The following SPAG1 variants were observed in gnomAD, a reference collection of about 807,000 sequenced individuals.
SPAG1 encodes sperm associated antigen 1, also known as sperm-associated antigen 1.
Under a neutral mutation model 100.5 loss-of-function variants are expected in SPAG1, and 69 were observed. The ratio of observed to expected loss-of-function variants is 0.69; its 90% CI spans 0.57 to 0.84. The LOEUF (loss-of-function observed/expected upper bound fraction) is 0.84, where lower values mean the gene tolerates loss of function less well. SPAG1 is among the 40% of genes least tolerant of loss of function. The pLI is 0.00. For synonymous variants in SPAG1, 336 were observed against 411.6 expected (o/e 0.82, Z 2.22); for missense variants, 955 against 1,133.1 (o/e 0.84, Z 2.26).
At chr8:100,219,952 G>A (rs909963746) in intron 12 of SPAG1, among the ~76,000 whole-genome samples, 15 of 152,314 alleles carry the variant, frequency 9.8e-5, no homozygotes, top group African/African-American at 2.9e-4. Context: ...ATCTGTCAAC[G>A]ACAATCTGTT....
At chr8:100,234,348 G>A (rs1426022821) in intron 16 of SPAG1, among the ~76,000 whole-genome samples, 1 of 133,326 alleles carries the variant, frequency 7.5e-6, no homozygotes, top group Admixed American at 8.3e-5. Flanking sequence ...TCTTCTGAAG[G>A]TGGTGTGTGC....
At chr8:100,161,024 C>G (rs1328213331) in intron 1 of SPAG1, among the ~76,000 whole-genome samples, 2 of 152,002 alleles carry the variant, frequency 1.3e-5, no homozygotes, top group African/African-American at 4.8e-5. Flanking sequence ...GGAAAAAAAC[C>G]TCTACCTTCT....
At chr8:100,197,471 A>T (rs1563789630) in intron 10 of SPAG1, among the ~76,000 whole-genome samples, 1 of 152,232 alleles carries the variant, frequency 6.6e-6, no homozygotes, top group South Asian at 2.1e-4. Context: ...AGTTACATTC[A>T]AACAAGTTAC....
chr8:100,184,338 C>A (rs1816495375), intron 6 of SPAG1, among the ~76,000 whole-genome samples: 1 of 151,888 alleles, frequency 6.6e-6, no homozygotes, highest in African/African-American at 2.4e-5. Context: ...CCTCCAAATT[C>A]CTAAAATTGT....
In SPAG1 at chr8:100,239,551, G is replaced by A; in HGVS notation, c.2280+147G>A. ...ACAAAATTTTAACCAGCAACAAAAT[G>A]TCTCCTTTGCAATGATAATTAGCCA... On this transcript the variant is annotated intron_variant, in intron 17 of 18. Transcript: ENST00000388798. This position sits in a 1 kb window ranked among gnomAD's most constrained non-coding sequence, Gnocchi z 5.0. The A allele has an allele frequency of 1.6e-6, 1 of 629,144 alleles. No homozygotes were observed. The highest frequency in any genetic ancestry group is 2.8e-6 in the Non-Finnish European group (1 of 354,448). 39.0% of individuals were successfully genotyped at this position (629,144 alleles called of 1,614,324 possible).
chr8:100,199,099 T>C (rs1366722778), intron 10 of SPAG1, among the ~76,000 whole-genome samples: 1 of 152,258 alleles, frequency 6.6e-6, no homozygotes, highest in Non-Finnish European at 1.5e-5. Flanking sequence ...CAGATTTTTG[T>C]TTGAACAGAT....
chr8:100,233,987 G>T (rs1252073545), intron 16 of SPAG1, among the ~76,000 whole-genome samples: 1 of 152,176 alleles, frequency 6.6e-6, no homozygotes, highest in African/African-American at 2.4e-5. Context: ...ATAGTGATCT[G>T]GGCCTTAAGC....
chr8:100,232,916 C>T (rs1215848168), intron 15 of SPAG1, among the ~76,000 whole-genome samples: 1 of 152,222 alleles, frequency 6.6e-6, no homozygotes, highest in Non-Finnish European at 1.5e-5. Context: ...ACCATATTCT[C>T]TTCCACTGTA....
chr8:100,199,985 A>G (rs2132307288), intron 10 of SPAG1, among the ~76,000 whole-genome samples: 1 of 151,144 alleles, frequency 6.6e-6, no homozygotes, highest in East Asian at 1.9e-4. Flanking sequence ...TCTAGGGTAT[A>G]TGTGCACAAC....
intron 10 of SPAG1, among the ~76,000 whole-genome samples, chr8:100,198,533 T>A (rs1430136155): frequency 1.3e-5 from 2 of 152,138 alleles, no homozygotes; most frequent in Non-Finnish European, 2.9e-5. Context: ...CTCATAAAAA[T>A]GAAAATCAAA....
rs116206455 is a variant in SPAG1 at position 100,214,408 on chromosome 8, C to T, written c.1535+490C>T. Among the ~76,000 whole-genome samples, 7 of 152,236 alleles carry T rather than the reference C, an allele frequency of 4.6e-5. No individual in the cohort carries two copies. The South Asian group carries it at 6.2e-4, about 14-fold the overall frequency. On this transcript the variant is annotated intron_variant, in intron 12 of 18. Coordinates refer to ENST00000388798, the MANE Select transcript of SPAG1 (RefSeq NM_003114.5). ...TCTCTGAGCCCTTGCCCATGTTGCC[C>T]CTAATGGTGGTAATGCCCTTTGCAC...
chr8:100,215,516 C>A (rs1356839563), intron 12 of SPAG1, among the ~76,000 whole-genome samples: 2 of 152,136 alleles, frequency 1.3e-5, no homozygotes, highest in East Asian at 3.9e-4. Flanking sequence ...TTTTCATTGG[C>A]TGTATCAGTT....
Position 100,177,957 on chromosome 8 carries a change from A to C in SPAG1, c.426+16A>C. Reference sequence around the variant, plus strand: ...TGTAGGCAAGGTAGGCTTCTTTGATATCTTTGTGGGTGGTAGCAGGAGAGG... The same window carrying C: ...TGTAGGCAAGGTAGGCTTCTTTGATCTCTTTGTGGGTGGTAGCAGGAGAGG... On this transcript the variant is annotated intron_variant, in intron 4 of 18. Coordinates refer to ENST00000388798, the MANE Select transcript of SPAG1 (RefSeq NM_003114.5). The C allele has an allele frequency of 6.2e-7, 1 of 1,606,044 alleles. No individual in the cohort carries two copies. The highest frequency in any genetic ancestry group is 2.2e-5 in the East Asian group (1 of 44,812).
intron 8 of SPAG1, 141 bp downstream of exon 8, chr8:100,187,391 T>G: frequency 1.7e-6 from 1 of 579,856 alleles, no homozygotes; most frequent in Non-Finnish European, 2.6e-6. Flanking sequence ...TTCATAAAGT[T>G]GCTTTTAAAT....
At chr8:100,216,182 A>G (rs1196018098) in intron 12 of SPAG1, among the ~76,000 whole-genome samples, 1 of 152,146 alleles carries the variant, frequency 6.6e-6, no homozygotes, top group Non-Finnish European at 1.5e-5. Flanking sequence ...CAGTGCTCCT[A>G]ACAGACCAGA....
At chr8:100,182,791 C>T (rs1233374008) in intron 4 of SPAG1, among the ~76,000 whole-genome samples, 2 of 152,018 alleles carry the variant, frequency 1.3e-5, no homozygotes, top group Non-Finnish European at 1.5e-5. Context: ...ATCATATTCA[C>T]ACATAAGTTT....
chr8:100,219,415 ACTT>A (rs1818160841), intron 12 of SPAG1, among the ~76,000 whole-genome samples: 1 of 152,178 alleles, frequency 6.6e-6, no homozygotes, highest in Non-Finnish European at 1.5e-5. Context: ...TGCATGGAGG[ACTT>A]CTTTGCAGCT....
chr8:100,165,749 A>G (rs1262764426), intron 2 of SPAG1, 65 bp from the exon 3 acceptor site: 53 of 1,398,454 alleles, frequency 3.8e-5, no homozygotes, highest in Non-Finnish European at 5.2e-5. Context: ...CCCAGCCTGC[A>G]AACCGCTGGT....
At chr8:100,233,285 A>G (rs1818859222) in intron 15 of SPAG1, 126 bp from the exon 16 acceptor site, 4 of 1,033,100 alleles carry the variant, frequency 3.9e-6, no homozygotes, top group Non-Finnish European at 5.8e-6. Flanking sequence ...GTTAAGTTTC[A>G]ATGGAAACCG....
Sources: allele counts gnomAD v4.1 joint callset (sites outside exome capture counted in the v4.1 genomes callset), GRCh38; gene constraint gnomAD v4.1.1; non-coding constraint Gnocchi (gnomAD v3.1); transcripts MANE v1.5; gene names NCBI Gene and HGNC (gene_info 2026-07-23, HGNC 2026-07-21).